Variants in TLCD4 observed in about 807,000 individuals in gnomAD.
TLCD4 encodes TLC domain-containing protein 4.
A neutral mutation model predicts 24.2 loss-of-function variants in TLCD4; 7 were observed. The ratio of observed to expected loss-of-function variants is 0.29; its 90% CI spans 0.16 to 0.54. The LOEUF (loss-of-function observed/expected upper bound fraction) is 0.54, where lower values mean the gene tolerates loss of function less well. Among genes scored for constraint, TLCD4 ranks in the 20% least tolerant of loss-of-function variants. The pLI is 0.95. For missense variants in TLCD4, 259 were observed against 313.9 expected (o/e 0.82, Z 1.32); for synonymous variants, 103 against 106.4 (o/e 0.97, Z 0.20).
chr1:95,164,790 T>C (rs894624640), intron 5 of TLCD4: 7 of 138,538 alleles, frequency 5.1e-5, no homozygotes, highest in African/African-American at 1.9e-4. Flanking sequence ...TAGTTTTTCT[T>C]TGTAGTCAGT....
At chr1:95,159,774 A>G (rs894636909) in intron 5 of TLCD4, among the ~76,000 whole-genome samples, 3 of 152,102 alleles carry the variant, frequency 2.0e-5, no homozygotes, top group African/African-American at 4.8e-5. Context: ...TCCTTTCCCC[A>G]TTTCTTGTTT....
chr1:95,174,693 T>C (rs1055696120), intron 6 of TLCD4, among the ~76,000 whole-genome samples: 1 of 152,248 alleles, frequency 6.6e-6, no homozygotes, highest in Admixed American at 6.5e-5. Flanking sequence ...AAATTTATTT[T>C]TTTTAAAAGA....
At chr1:95,147,076 A>ATTTTTTTTTT (rs573911821) in intron 2 of TLCD4, among the ~76,000 whole-genome samples, 1 of 144,404 alleles carries the variant, frequency 6.9e-6, no homozygotes, top group East Asian at 2.0e-4. Context: ...AAGGAATTTA[A>ATTTTTTTTTT]TTTTTTTTTT....
At chr1:95,151,918 T>TA (rs1677504921) in intron 5 of TLCD4, among the ~76,000 whole-genome samples, 1 of 152,122 alleles carries the variant, frequency 6.6e-6, no homozygotes, top group Admixed American at 6.6e-5. Context: ...TCTCAGGCAG[T>TA]AAAGCATATT....
At chr1:95,121,589 G>T (rs1215738721) in intron 1 of TLCD4, among the ~76,000 whole-genome samples, 2 of 152,176 alleles carry the variant, frequency 1.3e-5, no homozygotes, top group African/African-American at 2.4e-5. Flanking sequence ...TCCTGCCTCA[G>T]CCTCCCAGGT....
At chr1:95,107,877 C>G in the TLCD4 span, among the ~76,000 whole-genome samples, 20 of 152,216 alleles carry the variant, frequency 1.3e-4, no homozygotes, top group South Asian at 1.2e-3. Context: ...GTAAATTTCC[C>G]TCTTTTTCAA....
chr1:95,155,647 TA>T (rs1204789875), intron 5 of TLCD4, among the ~76,000 whole-genome samples: 2 of 152,066 alleles, frequency 1.3e-5, no homozygotes, highest in Non-Finnish European at 2.9e-5. Flanking sequence ...GTCATTGGAT[TA>T]AATGGGCCCA....
intron 2 of TLCD4, among the ~76,000 whole-genome samples, chr1:95,145,813 A>C (rs771893393): frequency 3.9e-5 from 6 of 152,222 alleles, no homozygotes; most frequent in African/African-American, 1.4e-4. Context: ...TGCATTATCT[A>C]GTCTTATCAC....
intron 1 of TLCD4, among the ~76,000 whole-genome samples, chr1:95,130,588 C>A (rs1676864532): frequency 6.6e-6 from 1 of 152,010 alleles, no homozygotes; most frequent in Non-Finnish European, 1.5e-5. Flanking sequence ...GATGGTATGC[C>A]TTTTTTGGCC....
At chr1:95,152,929 T>C (rs1279424784) in intron 5 of TLCD4, among the ~76,000 whole-genome samples, 1 of 152,174 alleles carries the variant, frequency 6.6e-6, no homozygotes, top group African/African-American at 2.4e-5. Flanking sequence ...ACTTTTTGTG[T>C]ATGTGTTCCT....
chr1:95,121,356 C>G (rs1676564886), intron 1 of TLCD4, among the ~76,000 whole-genome samples: 1 of 152,172 alleles, frequency 6.6e-6, no homozygotes, highest in Non-Finnish European at 1.5e-5. Context: ...CACACCTCCC[C>G]TCACAATTTT....
At chr1:95,155,431 A>G (rs1677604609) in intron 5 of TLCD4, among the ~76,000 whole-genome samples, 1 of 152,210 alleles carries the variant, frequency 6.6e-6, no homozygotes. Flanking sequence ...TTTACCAACA[A>G]TAAAGTATCA....
chr1:95,148,759 A>G lies in TLCD4; in HGVS notation c.213A>G (p.Leu71=), dbSNP rs975001727. ...GTATTTTTGGCCTGTACATTTTCTT[A>G]TTCGATGAGGCTACTAAAGCTGATC... ...VVGIFGLYIF[L]FDEATKADPL... Residue 71 remains leucine, a synonymous_variant, in exon 3 of 7, where the codon TTA becomes TTG. Coordinates refer to ENST00000370203, the MANE Select transcript of TLCD4 (RefSeq NM_152487.3). The G allele has an allele frequency of 1.2e-6, 2 of 1,613,718 alleles. No individual in the cohort carries two copies. The highest frequency in any genetic ancestry group is 8.5e-7 in the Non-Finnish European group (1 of 1,179,808).
chr1:95,170,401 C>T (rs981114622), intron 5 of TLCD4, among the ~76,000 whole-genome samples: 10 of 146,618 alleles, frequency 6.8e-5, no homozygotes, highest in African/African-American at 2.5e-4. Flanking sequence ...GTGATTTCGG[C>T]TCACTGCAAG....
At chr1:95,185,859 A>T (rs932805694) in intron 6 of TLCD4, among the ~76,000 whole-genome samples, 27 of 152,184 alleles carry the variant, frequency 1.8e-4, no homozygotes, top group Non-Finnish European at 2.9e-5. Flanking sequence ...GGGAGTCAGC[A>T]CCCCTAACCC....
At chr1:95,133,100 G>A (rs746894279) in intron 1 of TLCD4, among the ~76,000 whole-genome samples, 3 of 152,038 alleles carry the variant, frequency 2.0e-5, no homozygotes, top group Non-Finnish European at 4.4e-5. Context: ...GCAAGAGAGA[G>A]AAACTTTATG....
chr1:95,103,952 C>A, the TLCD4 span, among the ~76,000 whole-genome samples: 2 of 152,178 alleles, frequency 1.3e-5, no homozygotes, highest in Non-Finnish European at 2.9e-5. Context: ...ACTAACAGAA[C>A]ACTGTGTGCC....
At chr1:95,131,468 A>G (rs1357497344) in intron 1 of TLCD4, among the ~76,000 whole-genome samples, 1 of 152,220 alleles carries the variant, frequency 6.6e-6, no homozygotes, top group Non-Finnish European at 1.5e-5. Flanking sequence ...GAGTCCTCGT[A>G]AGAGCATTGA....
intron 1 of TLCD4, among the ~76,000 whole-genome samples, chr1:95,133,621 G>T (rs912824830): frequency 2.0e-5 from 3 of 152,072 alleles, no homozygotes; most frequent in Admixed American, 1.3e-4. Flanking sequence ...GTAGGATGGG[G>T]GTCATCTGCT....
Sources: allele counts gnomAD v4.1 joint callset (sites outside exome capture counted in the v4.1 genomes callset), GRCh38; gene constraint gnomAD v4.1.1; transcripts MANE v1.5; gene names NCBI Gene and HGNC (gene_info 2026-07-23, HGNC 2026-07-21).